HECW1: variants seen among roughly 807,000 people sequenced by gnomAD.
HECW1 encodes HECT, C2 and WW domain containing E3 ubiquitin protein ligase 1, also known as E3 ubiquitin-protein ligase HECW1.
HECW1 carries 61 observed loss-of-function variants against 182.3 expected under a neutral mutation model. That is an observed-to-expected ratio of 0.33 (90% CI 0.27 to 0.41). The LOEUF (loss-of-function observed/expected upper bound fraction) is 0.41, where lower values mean the gene tolerates loss of function less well. Ranked by LOEUF, HECW1 falls within the 10% of genes least tolerant of loss-of-function variation. HECW1 has a pLI of 1.00. For missense variants in HECW1, 1,739 were observed against 2,108.9 expected (o/e 0.82, Z 3.44); for synonymous variants, 859 against 832.6 (o/e 1.03, Z -0.55).
chr7:43,308,235 TAATATATAA>T (rs1807979592), intron 3 of HECW1, among the ~76,000 whole-genome samples: 1 of 66,020 alleles, frequency 1.5e-5, no homozygotes, highest in African/African-American at 1.3e-4. Context: ...TTTTATATAA[TAATATATAA>T]TATATATATA....
At chr7:43,250,794 CA>C (rs2152726173) in intron 3 of HECW1, among the ~76,000 whole-genome samples, 1 of 152,192 alleles carries the variant, frequency 6.6e-6, no homozygotes, top group African/African-American at 2.4e-5. Context: ...TAAAAACAGG[CA>C]ATTTTATGTA....
At chr7:43,319,541 C>A (rs1809800729) in intron 4 of HECW1, among the ~76,000 whole-genome samples, 1 of 128,130 alleles carries the variant, frequency 7.8e-6, no homozygotes, top group South Asian at 3.4e-4. Flanking sequence ...CCCCACCCGC[C>A]GGCCTCCTTC....
intron 2 of HECW1, among the ~76,000 whole-genome samples, chr7:43,205,415 T>C (rs1795375928): frequency 6.6e-6 from 1 of 152,172 alleles, no homozygotes. Flanking sequence ...GGAATTGTCA[T>C]CCTAGGAACA....
chr7:43,376,981 A>G (rs897225785), intron 6 of HECW1, among the ~76,000 whole-genome samples: 1 of 152,130 alleles, frequency 6.6e-6, no homozygotes, highest in Non-Finnish European at 1.5e-5. Flanking sequence ...TTCTTCAGGT[A>G]AAAGTCTTGA....
At chr7:43,137,355 G>T (rs1457272616) in intron 2 of HECW1, among the ~76,000 whole-genome samples, 4 of 152,036 alleles carry the variant, frequency 2.6e-5, no homozygotes, top group Admixed American at 2.6e-4. Context: ...ATGATTAAAT[G>T]GTCTAGACCC....
chr7:43,383,601 A>G (rs1333532650), intron 6 of HECW1, among the ~76,000 whole-genome samples: 2 of 152,156 alleles, frequency 1.3e-5, no homozygotes, highest in African/African-American at 4.8e-5. Flanking sequence ...GCATCTGTTC[A>G]TATCCTTTGC....
chr7:43,198,285 CCA>C (rs1794671014), intron 2 of HECW1, among the ~76,000 whole-genome samples: 1 of 149,284 alleles, frequency 6.7e-6, no homozygotes, highest in Admixed American at 6.7e-5. Context: ...CACTCACACA[CCA>C]CACACATTCG....
intron 4 of HECW1, among the ~76,000 whole-genome samples, chr7:43,315,508 T>C (rs1016176968): frequency 2.0e-5 from 3 of 151,446 alleles, no homozygotes; most frequent in African/African-American, 7.3e-5. Context: ...ATTACTATTA[T>C]TTTGAGATGG....
chr7:43,488,462 A>AAGAAAGAAAGAAAGAAAGAAAGAAAG (rs2078786307), intron 17 of HECW1, among the ~76,000 whole-genome samples: 2 of 150,314 alleles, frequency 1.3e-5, no homozygotes, highest in Non-Finnish European at 3.0e-5. Flanking sequence ...GAAAGAAAGA[A>AAGAAAGAAAGAAAGAAAGAAAGAAAG]AGAAAGAAAG....
chr7:43,489,830 T>C (rs1171749213), intron 17 of HECW1, among the ~76,000 whole-genome samples: 1 of 152,232 alleles, frequency 6.6e-6, no homozygotes. Flanking sequence ...TTAAGTAATT[T>C]GCCCTACATT....
chr7:43,299,939 T>A (rs1806519943), intron 3 of HECW1, among the ~76,000 whole-genome samples: 1 of 152,228 alleles, frequency 6.6e-6, no homozygotes, highest in South Asian at 2.1e-4. Flanking sequence ...GTCACCTGAT[T>A]TGCTGGTTTT....
rs745980152 is a variant in HECW1, at chr7:43,469,222, G to A, written c.3099+117G>A. Reference sequence around the variant, plus strand: ...AGTTATGTCTGAGAGATGTGCTATCGGCCGCCAGCAGTAAAGGGGCTGATA... The same window carrying A: ...AGTTATGTCTGAGAGATGTGCTATCAGCCGCCAGCAGTAAAGGGGCTGATA... On this transcript the variant is annotated intron_variant, in intron 16 of 29. Transcript: ENST00000395891. 5.4e-5 allele frequency: 59 copies of A among 1,098,448 alleles called. 1 individual carries two copies. The highest frequency in any genetic ancestry group is 2.5e-4 in the South Asian group (17 of 68,160). 68.0% of individuals were successfully genotyped at this position (1,098,448 alleles called of 1,614,324 possible).
rs113585801 is a variant in HECW1 at position 43,210,278 on chromosome 7, A to G, written c.-31-33597A>G. ...CCCAAAACGAACTTATTGTGGAGAT[A>G]GGTCATTGAAAAGGTGCATTGTGAT... On this transcript the variant is annotated intron_variant, in intron 2 of 29. Coordinates refer to ENST00000395891, the MANE Select transcript of HECW1 (RefSeq NM_015052.5). 1.6e-3 allele frequency among the ~76,000 whole-genome samples: 244 copies of G among 152,242 alleles called. 1 individual carries two copies. The highest frequency in any genetic ancestry group is 5.6e-3 in the African/African-American group (233 of 41,566).
intron 2 of HECW1, among the ~76,000 whole-genome samples, chr7:43,206,336 CAG>C (rs1491484584): frequency 3.3e-5 from 5 of 152,116 alleles, no homozygotes; most frequent in Admixed American, 2.6e-4. Flanking sequence ...GTTAGGAAGA[CAG>C]GGGAGAGGAG....
intron 21 of HECW1, among the ~76,000 whole-genome samples, chr7:43,502,083 G>T (rs1421606238): frequency 6.6e-6 from 1 of 152,116 alleles, no homozygotes; most frequent in African/African-American, 2.4e-5. Context: ...GCTCTAAATT[G>T]TTGCATTCCA....
chr7:43,488,472 GAAAGAA>G (rs2078791029), intron 17 of HECW1, among the ~76,000 whole-genome samples: 1 of 146,582 alleles, frequency 6.8e-6, no homozygotes, highest in African/African-American at 2.6e-5. Flanking sequence ...AAGAAAGAAA[GAAAGAA>G]AGAAAGAAAG....
intron 2 of HECW1, among the ~76,000 whole-genome samples, chr7:43,142,738 C>T (rs1388208850): frequency 1.3e-5 from 2 of 152,190 alleles, no homozygotes; most frequent in African/African-American, 4.8e-5. Flanking sequence ...CACATTGGTT[C>T]TTTTAGCACT....
intron 2 of HECW1, among the ~76,000 whole-genome samples, chr7:43,189,067 G>A (rs754308853): frequency 3.3e-5 from 5 of 152,184 alleles, no homozygotes; most frequent in Non-Finnish European, 7.3e-5. Context: ...TCACGGTTGA[G>A]TTGAATGCTT....
At chr7:43,370,036 C>T (rs976970446) in intron 6 of HECW1, among the ~76,000 whole-genome samples, 1 of 152,124 alleles carries the variant, frequency 6.6e-6, no homozygotes, top group African/African-American at 2.4e-5. Context: ...AATAAACACA[C>T]AAAAGATGTT....
Sources: gnomAD v4.1 joint callset for allele counts (sites outside exome capture counted in the v4.1 genomes callset) on GRCh38, gnomAD v4.1.1 for gene constraint, MANE v1.5 for transcripts, NCBI Gene and HGNC (gene_info 2026-07-23, HGNC 2026-07-21) for gene names.